Variants in TKTL1 observed in about 807,000 individuals in gnomAD.
TKTL1 encodes the protein transketolase like 1.
Under a neutral mutation model 39.3 loss-of-function variants are expected in TKTL1, and 1 was observed. The observed-to-expected ratio is 0.03, with a 90% CI of 0.01 to 0.12. TKTL1 has a LOEUF of 0.12. Among genes scored for constraint, TKTL1 ranks in the 10% least tolerant of loss-of-function variants. The pLI is 1.00. For missense variants in TKTL1, 575 were observed against 509.6 expected (o/e 1.13, Z -1.24); for synonymous variants, 262 against 193.8 (o/e 1.35, Z -2.92).
At chrX:154,310,721 C>T (rs1293898785) in intron 3 of TKTL1, 115 bp from the exon 4 acceptor site, 3 of 626,801 alleles carry the variant, frequency 4.8e-6, no homozygotes, top group African/African-American at 2.2e-5. Flanking sequence ...TTGTGGGAAG[C>T]GAATGGTCTG....
chrX:154,311,283 G>A, intron 5 of TKTL1, 45 bp downstream of exon 5: 1 of 1,206,336 alleles, frequency 8.3e-7, no homozygotes, highest in Middle Eastern at 2.3e-4. Context: ...AAAAGCATCT[G>A]TCCGCTCAGC....
rs782809446 is a variant in TKTL1, at chrX:154,316,144, A to T, written c.1029+807A>T. ...CAGGCTGGAGTGGAGTGCTCAGCTC[A>T]CTGCAAGCTCCGCCTCCTGGGTTCA... On this transcript the variant is annotated intron_variant, in intron 7 of 12. Coordinates refer to ENST00000369915, the MANE Select transcript of TKTL1 (RefSeq NM_012253.4). Among the ~76,000 whole-genome samples, 27 of 111,534 alleles carry T rather than the reference A, an allele frequency of 2.4e-4. 2 individuals are homozygous for T. The South Asian group carries it at 9.8e-3, about 40-fold the overall frequency.
At chrX:154,300,822 A>G (rs782634759) in intron 1 of TKTL1, among the ~76,000 whole-genome samples, 2 of 110,602 alleles carry the variant, frequency 1.8e-5, no homozygotes, top group Non-Finnish European at 3.8e-5. Flanking sequence ...TTACCCGAGT[A>G]GCTGGGACTA....
intron 7 of TKTL1, among the ~76,000 whole-genome samples, chrX:154,318,153 C>A (rs2067416790): frequency 9.0e-6 from 1 of 111,237 alleles, no homozygotes; most frequent in Admixed American, 9.5e-5. Flanking sequence ...CCTGCAGCCT[C>A]AAACTCCTGG....
chrX:154,329,446 C>T (rs2067519862), intron 12 of TKTL1, 70 bp from the exon 13 acceptor site: 4 of 1,087,882 alleles, frequency 3.7e-6, no homozygotes, highest in South Asian at 4.0e-5. Flanking sequence ...ATTCAAAGGC[C>T]TCTATGTGGT....
At chrX:154,302,532 C>T (rs782107524) in intron 1 of TKTL1, among the ~76,000 whole-genome samples, 5 of 111,002 alleles carry the variant, frequency 4.5e-5, no homozygotes, top group African/African-American at 1.3e-4. Flanking sequence ...CTCATAAAGG[C>T]GCTGATCCCA....
intron 6 of TKTL1, among the ~76,000 whole-genome samples, chrX:154,314,147 G>A (rs1327579115): frequency 2.7e-5 from 3 of 110,880 alleles, no homozygotes; most frequent in Non-Finnish European, 5.7e-5. Flanking sequence ...GGCTCACCAG[G>A]TTATATAAGA....
intron 2 of TKTL1, among the ~76,000 whole-genome samples, chrX:154,307,555 G>A (rs1339665034): frequency 1.8e-5 from 2 of 112,523 alleles, no homozygotes; most frequent in Non-Finnish European, 3.8e-5. Context: ...CTGCCATAAC[G>A]GGCATCATAC....
Position 154,329,805 on chromosome X carries a change from C to A in TKTL1, c.*117C>A, listed in dbSNP as rs1367335408. 4.8e-6 allele frequency: 4 copies of A among 835,802 alleles called. No individual in the cohort carries two copies. The highest frequency in any genetic ancestry group is 6.8e-6 in the Non-Finnish European group (4 of 588,639). 68.9% of individuals were successfully genotyped at this position (835,802 alleles called of 1,213,427 possible). A position where few individuals can be genotyped will look rare whatever the true frequency, so the allele number is the denominator to read the frequency against. On this transcript the variant is annotated 3_prime_UTR_variant, in exon 13 of 13. Transcript: ENST00000369915. ...TTCTTAAAAGCAAAGCCAGCTAACA[C>A]CTTCATTCATCCCTAGTTCGGAAAT...
intron 10 of TKTL1, among the ~76,000 whole-genome samples, chrX:154,326,661 G>A (rs1279706198): frequency 8.9e-6 from 1 of 112,635 alleles, no homozygotes; most frequent in Non-Finnish European, 1.9e-5. Flanking sequence ...GTTAACTACA[G>A]GTTCTGTTTC....
intron 1 of TKTL1, among the ~76,000 whole-genome samples, chrX:154,297,252 GT>G (rs1178551145): frequency 6.6e-5 from 7 of 105,780 alleles, no homozygotes; most frequent in East Asian, 3.1e-4. Flanking sequence ...GGTTTTTTTT[GT>G]TTTTTTTTTC....
chrX:154,312,798 A>G (rs1557168658), intron 6 of TKTL1, 25 bp downstream of exon 6: 1 of 1,151,032 alleles, frequency 8.7e-7, no homozygotes, highest in Non-Finnish European at 1.2e-6. Flanking sequence ...GGATAATTGA[A>G]TAAATCAGAT....
chrX:154,322,301 G>A (rs1448086236), intron 8 of TKTL1, among the ~76,000 whole-genome samples: 1 of 108,252 alleles, frequency 9.2e-6, no homozygotes, highest in Middle Eastern at 4.3e-3. Flanking sequence ...GGAGGCCGAG[G>A]CAGGTGGATC....
In TKTL1 at chrX:154,329,795, C is replaced by A; in HGVS notation, c.*107C>A. 1.1e-6 allele frequency: 1 copy of A among 877,731 alleles called. No individual in the cohort carries two copies. 72.3% of individuals were successfully genotyped at this position (877,731 alleles called of 1,213,427 possible). A position where few individuals can be genotyped will look rare whatever the true frequency, so the allele number is the denominator to read the frequency against. On this transcript the variant is annotated 3_prime_UTR_variant, in exon 13 of 13. Transcript: ENST00000369915. ...CACATTTTGTTTCTTAAAAGCAAAG[C>A]CAGCTAACACCTTCATTCATCCCTA... is the stretch of plus-strand genomic sequence containing the variant.
In TKTL1 at chrX:154,329,503, C is replaced by G; in HGVS notation, c.1619-13C>G. 8.3e-7 allele frequency: 1 copy of G among 1,209,497 alleles called. No homozygotes were observed. The highest frequency in any genetic ancestry group is 1.1e-6 in the Non-Finnish European group (1 of 893,657). On this transcript the variant is annotated splice_polypyrimidine_tract_variant and intron_variant, in intron 12 of 12. Coordinates refer to ENST00000369915, the MANE Select transcript of TKTL1 (RefSeq NM_012253.4). ...TGCTTTCACAAAAGGGCCTAACATC[C>G]TTGTTTCCCCAGGTGGCATCGGGGA...
rs782751441 is a variant in TKTL1 at position 154,327,933 on chromosome X, T to A, written c.1593T>A (p.Ile531=). The part of the protein sequence containing the change: ...SSAKATEGRI[I]TVEDHYPQGG... ...CAAAAGCCACAGAGGGCCGGATCATTACAGTGGAGGATCACTACCCGCAAG... is the reference window on the plus strand; with the variant it reads ...CAAAAGCCACAGAGGGCCGGATCATAACAGTGGAGGATCACTACCCGCAAG... The change falls in exon 12 of 13, where the codon ATT becomes ATA. Residue 531 remains isoleucine (I), a synonymous_variant. Transcript: ENST00000369915. 3 of 1,210,164 alleles carry A rather than the reference T, an allele frequency of 2.5e-6. No individual in the cohort carries two copies. Among genetic ancestry groups the A allele is most frequent in the Non-Finnish European group, 3.4e-6 (3 of 895,208 alleles).
intron 10 of TKTL1, among the ~76,000 whole-genome samples, chrX:154,326,644 C>T (rs2067495423): frequency 8.9e-6 from 1 of 112,632 alleles, no homozygotes; most frequent in South Asian, 3.6e-4. Context: ...TAGTGTTCAC[C>T]TTTGGTGTTA....
chrX:154,310,397 T>G (rs2067347389), intron 3 of TKTL1, among the ~76,000 whole-genome samples: 1 of 112,033 alleles, frequency 8.9e-6, no homozygotes. Flanking sequence ...ATCACGCCAC[T>G]GCACTCCAGC....
intron 3 of TKTL1, among the ~76,000 whole-genome samples, chrX:154,310,435 A>C (rs150932037): frequency 0.088 from 9,816 of 112,152 alleles, 1,010 homozygotes; most frequent in African/African-American, 0.29. Context: ...TGCCTCAAAC[A>C]AACAAACAAA....
Sources: gnomAD v4.1 joint callset for allele counts (sites outside exome capture counted in the v4.1 genomes callset) on GRCh38, gnomAD v4.1.1 for gene constraint, MANE v1.5 for transcripts, NCBI Gene and HGNC (gene_info 2026-07-23, HGNC 2026-07-21) for gene names.